Variants in SPATA6L observed in about 807,000 individuals in gnomAD.
SPATA6L encodes the protein spermatogenesis associated 6 like.
SPATA6L carries 68 observed loss-of-function variants against 49.2 expected under a neutral mutation model. The ratio of observed to expected loss-of-function variants is 1.38; its 90% CI spans 1.14 to 1.69. SPATA6L has a LOEUF of 1.69. Among genes scored for constraint, SPATA6L ranks in the 40% most tolerant of loss-of-function variants. The pLI is 0.00. For synonymous variants in SPATA6L, 198 were observed against 165.7 expected, an observed-to-expected ratio of 1.19 and a Z score of -1.50; for missense variants, 668 against 464.3, an observed-to-expected ratio of 1.44 and a Z score of -4.03.
chr9:4,626,294 C>T (rs566369284), intron 5 of SPATA6L: 27 of 1,029,330 alleles, frequency 2.6e-5, no homozygotes, highest in East Asian at 1.2e-4. Context: ...GACATATCAG[C>T]GGCAGCTGAC....
rs1171261715 is a variant in SPATA6L, at chr9:4,599,130, A to C, written c.*1681T>G. Among the ~76,000 whole-genome samples the C allele has an allele frequency of 6.6e-6, 1 of 152,226 alleles. No individual in the cohort carries two copies. Among genetic ancestry groups the C allele is most frequent in the Non-Finnish European group, 1.5e-5 (1 of 68,044 alleles). On this transcript the variant is annotated 3_prime_UTR_variant, in exon 12 of 12. Coordinates refer to ENST00000682582, the MANE Select transcript of SPATA6L (RefSeq NM_001353486.2). ...TGAAGGTAATTTTATACATGATTTT[A>C]AATAATTTGGAGCATGAAACAAAGT...
At chr9:4,607,711 C>T (rs1426694420) in intron 9 of SPATA6L, among the ~76,000 whole-genome samples, 9 of 151,704 alleles carry the variant, frequency 5.9e-5, no homozygotes, top group Non-Finnish European at 1.3e-4. Flanking sequence ...TAAAGACCGT[C>T]GAGACTAGGA....
chr9:4,621,819 A>C (rs972947975), intron 7 of SPATA6L, among the ~76,000 whole-genome samples: 11 of 152,036 alleles, frequency 7.2e-5, no homozygotes, highest in African/African-American at 2.7e-4. Flanking sequence ...AAAATGTATC[A>C]GTTTTAATTT....
chr9:4,622,364 GT>G (rs1564187836), intron 7 of SPATA6L, 43 bp downstream of exon 7: 1 of 1,193,696 alleles, frequency 8.4e-7, no homozygotes, highest in South Asian at 1.2e-5. Flanking sequence ...GGACGCATTT[GT>G]TGCCATAGGG....
chr9:4,643,910 G>C (rs1386642870), intron 3 of SPATA6L, among the ~76,000 whole-genome samples: 2 of 152,098 alleles, frequency 1.3e-5, no homozygotes, highest in Non-Finnish European at 1.5e-5. Flanking sequence ...AGGAGGCTGA[G>C]GCAGGAGAAT....
At chr9:4,601,904 A>T (rs78764363) in intron 11 of SPATA6L, among the ~76,000 whole-genome samples, 6,957 of 152,244 alleles carry the variant, frequency 0.046, 281 homozygotes, top group African/African-American at 0.082. Flanking sequence ...GCATCTTTCA[A>T]ATAAATGCCC....
chr9:4,611,542 G>A (rs527992249), intron 9 of SPATA6L, among the ~76,000 whole-genome samples: 1,940 of 148,018 alleles, frequency 0.013, 18 homozygotes, highest in Middle Eastern at 0.045. Context: ...GTAAACTATC[G>A]CAAGAACAAA....
rs1828390939 is a variant in SPATA6L at position 4,617,941 on chromosome 9, T to TGATCCAAGGGGCC, written c.964_976dup (p.Gln326ArgfsTer25). ...CACTGACCTTTCTCTGAGAAGGGGCTGATCCAAGGGGCCAGGAGAGGTGGA... is the reference window on the plus strand; with the variant it reads ...CACTGACCTTTCTCTGAGAAGGGGCTGATCCAAGGGGCCGATCCAAGGGGCCAGGAGAGGTGGA... On this transcript the variant is annotated frameshift_variant, in exon 9 of 12. Transcript: ENST00000682582. LOFTEE classifies it high-confidence loss of function. The TGATCCAAGGGGCC allele has an allele frequency of 1.2e-6, 2 of 1,612,728 alleles. No homozygotes were observed. Among genetic ancestry groups the TGATCCAAGGGGCC allele is most frequent in the Non-Finnish European group, 1.7e-6 (2 of 1,179,356 alleles).
At chr9:4,635,633 A>G (rs975908816) in intron 3 of SPATA6L, among the ~76,000 whole-genome samples, 9 of 152,230 alleles carry the variant, frequency 5.9e-5, no homozygotes, top group African/African-American at 2.2e-4. Flanking sequence ...ATGTTCTACA[A>G]AATAGAACAA....
chr9:4,605,226 T>A, intron 10 of SPATA6L, 121 bp downstream of exon 10: 1 of 740,048 alleles, frequency 1.4e-6, no homozygotes, highest in Non-Finnish European at 2.3e-6. Context: ...TTGGTAAGCC[T>A]CACAATTTTC....
chr9:4,601,659 C>A (rs1253575823), intron 11 of SPATA6L, among the ~76,000 whole-genome samples: 1 of 152,126 alleles, frequency 6.6e-6, no homozygotes, highest in Non-Finnish European at 1.5e-5. Context: ...CAGGACCTGG[C>A]AGTGAAACAG....
At chr9:4,629,954 A>T (rs906545538) in intron 4 of SPATA6L, among the ~76,000 whole-genome samples, 2 of 151,988 alleles carry the variant, frequency 1.3e-5, no homozygotes, top group Admixed American at 6.6e-5. Context: ...TATTTACATA[A>T]TGGAAACTAC....
At position 4,662,897 on chromosome 9, in the gene SPATA6L, G is replaced by A. The variant is rs765538292; in HGVS notation, c.40-861C>T. 1.2e-6 allele frequency: 2 copies of A among 1,608,280 alleles called. No individual in the cohort carries two copies. The highest frequency in any genetic ancestry group is 1.6e-4 in the Middle Eastern group (1 of 6,084). ...TGATGAACCTGCTCTTCGCCCTGCT[G>A]TTGGACCTGCTGCTGGTGGCCTTGA... On this transcript the variant is annotated intron_variant, in intron 1 of 11. Coordinates refer to ENST00000682582, the MANE Select transcript of SPATA6L (RefSeq NM_001353486.2). The surrounding 1 kb of genome is among the most constrained non-coding windows in gnomAD (Gnocchi z 4.9).
In SPATA6L at chr9:4,626,396, G is replaced by A. The variant is rs146894741; in HGVS notation, c.430-830C>T. On this transcript the variant is annotated intron_variant, in intron 5 of 11. Transcript: ENST00000682582. ...GCAGTGAGCAGTGCCCCTCCTTTGAGATCTGAGTTCCAGCTCATCCAAGTC... is the reference window on the plus strand; with the variant it reads ...GCAGTGAGCAGTGCCCCTCCTTTGAAATCTGAGTTCCAGCTCATCCAAGTC... The A allele has an allele frequency of 2.8e-4, 359 of 1,300,810 alleles. 1 individual carries two copies. The highest frequency in any genetic ancestry group is 1.1e-3 in the Middle Eastern group (5 of 4,446). 80.6% of individuals were successfully genotyped at this position (1,300,810 alleles called of 1,614,324 possible). A position where few individuals can be genotyped will look rare whatever the true frequency, so the allele number is the denominator to read the frequency against.
chr9:4,655,160 T>A (rs190270856), intron 3 of SPATA6L, among the ~76,000 whole-genome samples: 151 of 152,358 alleles, frequency 9.9e-4, no homozygotes, highest in African/African-American at 3.4e-3. Flanking sequence ...CATCAATTGA[T>A]GACTAGAAAA....
At chr9:4,653,362 T>C (rs937779660) in intron 3 of SPATA6L, among the ~76,000 whole-genome samples, 2 of 152,126 alleles carry the variant, frequency 1.3e-5, no homozygotes, top group African/African-American at 4.8e-5. Flanking sequence ...ATCAACACAG[T>C]ATAAATCATC....
At chr9:4,602,072 C>G (rs562887543) in intron 11 of SPATA6L, among the ~76,000 whole-genome samples, 2 of 151,968 alleles carry the variant, frequency 1.3e-5, no homozygotes, top group Admixed American at 6.6e-5. Context: ...GTATTCTAAG[C>G]GTATGCCAAA....
At chr9:4,622,345 G>A in intron 7 of SPATA6L, 63 bp downstream of exon 7, 1 of 952,410 alleles carries the variant, frequency 1.0e-6, no homozygotes, top group Admixed American at 1.8e-5. Flanking sequence ...GAATGAAAGA[G>A]TATACTCAGG....
intron 2 of SPATA6L, among the ~76,000 whole-genome samples, chr9:4,656,770 G>A (rs933645830): frequency 1.3e-5 from 2 of 152,136 alleles, no homozygotes; most frequent in African/African-American, 4.8e-5. Context: ...ATCAACCCCA[G>A]AGTGTTGTTT....
Sources: gnomAD v4.1 joint callset for allele counts (sites outside exome capture counted in the v4.1 genomes callset) on GRCh38, gnomAD v4.1.1 for gene constraint, Gnocchi (gnomAD v3.1) non-coding constraint, MANE v1.5 for transcripts, NCBI Gene and HGNC (gene_info 2026-07-23, HGNC 2026-07-21) for gene names.